The following GABRB2 variants were observed in gnomAD, a reference collection of about 807,000 sequenced individuals.
GABRB2 encodes gamma-aminobutyric acid type A receptor subunit beta2.
Under a neutral mutation model 54.7 loss-of-function variants are expected in GABRB2, and 16 were observed. That is an observed-to-expected ratio of 0.29 (90% CI 0.20 to 0.44). The LOEUF (loss-of-function observed/expected upper bound fraction) is 0.44, where lower values mean the gene tolerates loss of function less well. GABRB2 is among the 20% of genes least tolerant of loss of function. GABRB2 has a pLI of 1.00. For synonymous variants in GABRB2, 244 were observed against 233.8 expected (o/e 1.04, Z -0.40); for missense variants, 355 against 644.0 (o/e 0.55, Z 4.86).
At chr5:161,527,362 A>G (rs1393437625) in intron 3 of GABRB2, among the ~76,000 whole-genome samples, 1 of 151,512 alleles carries the variant, frequency 6.6e-6, no homozygotes, top group African/African-American at 2.4e-5. Flanking sequence ...ATGAACTCAA[A>G]TTTTATATGA....
rs143910820 is a variant in GABRB2, at chr5:161,448,819, G to C, written c.458+10805C>G. ...AAGAGAAACCCCTTTAAGAATAATA[G>C]ATAAAAGGAATTATCATATTAAGTT... On this transcript the variant is annotated intron_variant, in intron 4 of 9. Transcript: ENST00000393959. Among the ~76,000 whole-genome samples the C allele has an allele frequency of 1.6e-3, 248 of 152,156 alleles. 2 individuals carry two copies. The highest frequency in any genetic ancestry group is 3.1e-3 in the Non-Finnish European group (209 of 68,004).
chr5:161,417,155 G>A (rs1338840836), intron 4 of GABRB2, among the ~76,000 whole-genome samples: 3 of 152,100 alleles, frequency 2.0e-5, no homozygotes, highest in South Asian at 2.1e-4. Flanking sequence ...GTTAGAAAAT[G>A]GAAATAATAT....
chr5:161,362,182 T>G (rs1238616568), intron 5 of GABRB2, among the ~76,000 whole-genome samples: 2 of 152,174 alleles, frequency 1.3e-5, no homozygotes, highest in Non-Finnish European at 2.9e-5. Flanking sequence ...GCTGTAGCCA[T>G]GTAGCATAAT....
chr5:161,320,136 T>A (rs886617765), intron 9 of GABRB2, among the ~76,000 whole-genome samples: 1 of 151,854 alleles, frequency 6.6e-6, no homozygotes, highest in African/African-American at 2.4e-5. Flanking sequence ...AATTTATAAT[T>A]GATCTTGATT....
intron 5 of GABRB2, among the ~76,000 whole-genome samples, chr5:161,366,106 C>G (rs1245655243): frequency 6.6e-6 from 1 of 150,818 alleles, no homozygotes; most frequent in Non-Finnish European, 1.5e-5. Context: ...TGTCAGGGAG[C>G]ATTTTGTTCT....
At chr5:161,414,358 T>C (rs934989786) in intron 4 of GABRB2, among the ~76,000 whole-genome samples, 20 of 152,216 alleles carry the variant, frequency 1.3e-4, no homozygotes, top group Non-Finnish European at 1.8e-4. Flanking sequence ...TAAACTGTTA[T>C]GCAACTTTTT....
chr5:161,308,112 C>T (rs536322367), intron 9 of GABRB2, among the ~76,000 whole-genome samples: 165 of 152,200 alleles, frequency 1.1e-3, no homozygotes, highest in Non-Finnish European at 1.8e-3. Context: ...CTGCCCGCCT[C>T]GGCCTCACAA....
At chr5:161,464,555 T>C (rs1758221021) in intron 3 of GABRB2, among the ~76,000 whole-genome samples, 1 of 152,108 alleles carries the variant, frequency 6.6e-6, no homozygotes, top group Non-Finnish European at 1.5e-5. Flanking sequence ...AATGTTAACA[T>C]ACATTTGACA....
chr5:161,297,089 G>A (rs953543440), intron 9 of GABRB2, among the ~76,000 whole-genome samples: 1 of 152,082 alleles, frequency 6.6e-6, no homozygotes, highest in Non-Finnish European at 1.5e-5. Context: ...TTGTGGTGTA[G>A]ATGTATGAGT....
At chr5:161,448,785 T>A (rs1470782700) in intron 4 of GABRB2, among the ~76,000 whole-genome samples, 2 of 152,142 alleles carry the variant, frequency 1.3e-5, no homozygotes, top group African/African-American at 4.8e-5. Flanking sequence ...CATGTGTAAG[T>A]AGTTGCATAA....
chr5:161,439,375 A>G (rs1007633587), intron 4 of GABRB2, among the ~76,000 whole-genome samples: 2 of 152,224 alleles, frequency 1.3e-5, no homozygotes, highest in African/African-American at 4.8e-5. Flanking sequence ...CATCAATGCC[A>G]GTCCTGTCTT....
chr5:161,317,176 T>C (rs889813646), intron 9 of GABRB2, among the ~76,000 whole-genome samples: 17 of 152,120 alleles, frequency 1.1e-4, no homozygotes, highest in African/African-American at 3.4e-4. Context: ...AAGTGATATA[T>C]ACTAGTTGTA....
chr5:161,410,725 A>C (rs17059436), intron 5 of GABRB2, among the ~76,000 whole-genome samples: 1 of 152,202 alleles, frequency 6.6e-6, no homozygotes, highest in African/African-American at 2.4e-5. Context: ...GGCTGTTAGC[A>C]TATTCCTTTT....
At chr5:161,465,254 G>GA (rs958872961) in intron 3 of GABRB2, among the ~76,000 whole-genome samples, 4 of 149,708 alleles carry the variant, frequency 2.7e-5, no homozygotes, top group South Asian at 2.1e-4. Flanking sequence ...CATCTGGAGG[G>GA]AAAAAAAAAG....
rs191017078 is a variant in GABRB2 at position 161,446,568 on chromosome 5, G to T, written c.458+13056C>A. ...AAGGCACAGACTTTGGAGTCAGGCA[G>T]ACTTGGAACCTATCCCCATCTTTGA... is the stretch of plus-strand genomic sequence containing the variant. On this transcript the variant is annotated intron_variant, in intron 4 of 9. Transcript: ENST00000393959. Among the ~76,000 whole-genome samples, 207 of 152,238 alleles carry T rather than the reference G, an allele frequency of 1.4e-3. 1 individual carries two copies. The highest frequency in any genetic ancestry group is 2.1e-3 in the Non-Finnish European group (144 of 68,006).
At position 161,291,797 on chromosome 5, in the gene GABRB2, G is replaced by C. The variant is rs1391155718; in HGVS notation, c.*2284C>G. The C allele has an allele frequency of 6.6e-6, 1 of 152,596 alleles. No homozygotes were observed. The highest frequency in any genetic ancestry group is 2.4e-5 in the African/African-American group (1 of 41,448). 9.5% of individuals were successfully genotyped at this position (152,596 alleles called of 1,614,324 possible). ...GCCCACTTCTACACTTGGGCTCTGAGTTGACTCTAGAAGAGCCTTTTCAGA... is the reference window on the plus strand; with the variant it reads ...GCCCACTTCTACACTTGGGCTCTGACTTGACTCTAGAAGAGCCTTTTCAGA... On this transcript the variant is annotated 3_prime_UTR_variant, in exon 10 of 10. Coordinates refer to ENST00000393959, the MANE Select transcript of GABRB2 (RefSeq NM_001371727.1).
chr5:161,450,274 C>T (rs766628422), intron 4 of GABRB2, among the ~76,000 whole-genome samples: 4 of 152,052 alleles, frequency 2.6e-5, no homozygotes, highest in South Asian at 2.1e-4. Context: ...TAGGGACCCA[C>T]GTAGCCAACA....
chr5:161,488,791 GA>G (rs560391031), intron 3 of GABRB2, among the ~76,000 whole-genome samples: 4 of 151,154 alleles, frequency 2.6e-5, no homozygotes, highest in African/African-American at 9.7e-5. Flanking sequence ...TCCTTTCTGA[GA>G]AAAAAAATAT....
chr5:161,393,753 A>G (rs1395953203), intron 5 of GABRB2, among the ~76,000 whole-genome samples: 1 of 152,134 alleles, frequency 6.6e-6, no homozygotes, highest in Non-Finnish European at 1.5e-5. Context: ...CTCAAGATAA[A>G]TAAAGCAAAC....
Sources: allele counts gnomAD v4.1 joint callset (sites outside exome capture counted in the v4.1 genomes callset), GRCh38; gene constraint gnomAD v4.1.1; transcripts MANE v1.5; gene names NCBI Gene and HGNC (gene_info 2026-07-23, HGNC 2026-07-21).